Variants in FHIT observed in about 807,000 individuals in gnomAD.
The protein encoded by FHIT is bis(5'-adenosyl)-triphosphatase.
FHIT carries 19 observed loss-of-function variants against 17.9 expected under a neutral mutation model. That is an observed-to-expected ratio of 1.06 (90% confidence interval 0.74 to 1.56). The LOEUF (loss-of-function observed/expected upper bound fraction) is 1.56, where lower values mean the gene tolerates loss of function less well. Ranked by LOEUF, FHIT falls within the 40% of genes most tolerant of loss-of-function variation. The probability of loss-of-function intolerance (pLI) is 0.00; values close to 1 mark genes in which losing one functional copy is unlikely to be tolerated. For missense variants in FHIT, 248 were observed against 189.2 expected (o/e 1.31, Z -1.82); for synonymous variants, 81 against 69.7 (o/e 1.16, Z -0.81).
intron 5 of FHIT, among the ~76,000 whole-genome samples, chr3:60,513,154 G>T (rs2611403): frequency 0.49 from 74,852 of 151,932 alleles, 18,580 homozygotes; most frequent in Admixed American, 0.55. Flanking sequence ...GTTTGTTAGA[G>T]GGTTTGGCAC....
intron 8 of FHIT, among the ~76,000 whole-genome samples, chr3:59,800,300 T>C (rs1483057400): frequency 6.6e-6 from 1 of 152,178 alleles, no homozygotes; most frequent in Non-Finnish European, 1.5e-5. Flanking sequence ...TAGAGGAATA[T>C]GCAGCGTTCT....
chr3:59,967,084 T>A (rs1336900072), intron 7 of FHIT, among the ~76,000 whole-genome samples: 1 of 152,082 alleles, frequency 6.6e-6, no homozygotes, highest in African/African-American at 2.4e-5. Context: ...AGTCTAGGTC[T>A]ACACAAGGTC....
chr3:60,735,201 T>G (rs78543113), intron 4 of FHIT, among the ~76,000 whole-genome samples: 3,016 of 152,292 alleles, frequency 0.02, 113 homozygotes, highest in African/African-American at 0.068. Flanking sequence ...AGGAAACCAG[T>G]AAATGATAAA....
At chr3:61,199,529 TAAGAA>T (rs1192768441) in intron 2 of FHIT, among the ~76,000 whole-genome samples, 3 of 144,534 alleles carry the variant, frequency 2.1e-5, no homozygotes, top group African/African-American at 5.1e-5. Context: ...AAGCAAATCC[TAAGAA>T]AAGAGGATTT....
chr3:60,729,868 A>G (rs1052747999), intron 4 of FHIT, among the ~76,000 whole-genome samples: 2 of 152,170 alleles, frequency 1.3e-5, no homozygotes, highest in Admixed American at 6.5e-5. Flanking sequence ...CAATTGTCAA[A>G]TTTTCACTAT....
At chr3:61,179,400 G>A (rs68016794) in intron 2 of FHIT, among the ~76,000 whole-genome samples, 30,281 of 151,842 alleles carry the variant, frequency 0.2, 3,143 homozygotes, top group South Asian at 0.29. Flanking sequence ...AGCCCATACC[G>A]TATGATTCTA....
chr3:60,077,068 ATT>A (rs11324331), intron 5 of FHIT, among the ~76,000 whole-genome samples: 1 of 151,712 alleles, frequency 6.6e-6, no homozygotes, highest in African/African-American at 2.4e-5. Flanking sequence ...ACAGAAATAT[ATT>A]TTTTTCATAG....
At chr3:60,623,070 T>C (rs1553679371) in intron 4 of FHIT, among the ~76,000 whole-genome samples, 2 of 152,210 alleles carry the variant, frequency 1.3e-5, no homozygotes, top group African/African-American at 2.4e-5. Flanking sequence ...TGTGAGATTT[T>C]TGCCTGTCTT....
rs561345847 is a variant in FHIT at position 61,217,009 on chromosome 3, G to C, written c.-212-16344C>G. Among the ~76,000 whole-genome samples the C allele has an allele frequency of 4.1e-5, 6 of 146,874 alleles. 1 individual carries two copies. In the South Asian group the frequency reaches 9.2e-4, roughly 22 times the overall value. ...GGGACTGTTGTGGGGTAGGGGGAGG[G>C]GGGAGGGATAGCATTAGGAGATATG... On this transcript the variant is annotated intron_variant, in intron 1 of 9. Coordinates refer to ENST00000492590, the MANE Select transcript of FHIT (RefSeq NM_002012.4).
chr3:60,903,433 A>C (rs1047271070), intron 3 of FHIT, among the ~76,000 whole-genome samples: 2 of 152,240 alleles, frequency 1.3e-5, no homozygotes, highest in Non-Finnish European at 2.9e-5. Flanking sequence ...AAGTTAAAGT[A>C]CTAACTGGCA....
intron 5 of FHIT, among the ~76,000 whole-genome samples, chr3:60,375,668 C>G (rs1054864487): frequency 6.6e-6 from 1 of 152,106 alleles, no homozygotes; most frequent in African/African-American, 2.4e-5. Flanking sequence ...GTGAAGACAA[C>G]TGGTTAGTTG....
At chr3:61,231,010 T>C (rs1214343672) in intron 1 of FHIT, among the ~76,000 whole-genome samples, 1 of 152,242 alleles carries the variant, frequency 6.6e-6, no homozygotes. Context: ...TAAAATCATA[T>C]AGAACTAAAT....
intron 5 of FHIT, among the ~76,000 whole-genome samples, chr3:60,521,831 G>A (rs2035378523): frequency 6.6e-6 from 1 of 152,216 alleles, no homozygotes; most frequent in Admixed American, 6.5e-5. Context: ...GACAGTAAAT[G>A]AGGCAGTAGA....
chr3:60,120,506 G>C (rs1705198536), intron 5 of FHIT, among the ~76,000 whole-genome samples: 2 of 152,140 alleles, frequency 1.3e-5, no homozygotes, highest in Non-Finnish European at 2.9e-5. Flanking sequence ...GCTCCAACTT[G>C]GCCAAACCCA....
At chr3:61,186,157 A>AG (rs754594090) in intron 2 of FHIT, among the ~76,000 whole-genome samples, 3 of 152,208 alleles carry the variant, frequency 2.0e-5, no homozygotes, top group Non-Finnish European at 4.4e-5. Flanking sequence ...AAAATAAACC[A>AG]GGTGGTAACT....
At chr3:60,410,162 G>C (rs537268318) in intron 5 of FHIT, among the ~76,000 whole-genome samples, 2 of 152,342 alleles carry the variant, frequency 1.3e-5, no homozygotes, top group East Asian at 3.9e-4. Context: ...CTTACTGGCT[G>C]CATCTAGAGA....
At chr3:60,176,309 A>G (rs1312843786) in intron 5 of FHIT, among the ~76,000 whole-genome samples, 1 of 152,150 alleles carries the variant, frequency 6.6e-6, no homozygotes, top group Admixed American at 6.5e-5. Context: ...CTGAGCTCGT[A>G]CCACTGCACT....
intron 7 of FHIT, among the ~76,000 whole-genome samples, chr3:59,961,123 CATGACTA>C (rs1373819934): frequency 6.6e-6 from 1 of 152,124 alleles, no homozygotes; most frequent in African/African-American, 2.4e-5. Context: ...TTAAATTTAC[CATGACTA>C]ATTGGAGGAT....
chr3:60,261,225 A>C (rs929463321), intron 5 of FHIT, among the ~76,000 whole-genome samples: 15 of 152,168 alleles, frequency 9.9e-5, no homozygotes, highest in South Asian at 2.1e-4. Flanking sequence ...ACTCACTCTG[A>C]ATTCTTCCTT....
Sources: allele counts gnomAD v4.1 joint callset (sites outside exome capture counted in the v4.1 genomes callset), GRCh38; gene constraint gnomAD v4.1.1; transcripts MANE v1.5; gene names NCBI Gene and HGNC (gene_info 2026-07-23, HGNC 2026-07-21).